The following ANK2 variants were observed in gnomAD, a reference collection of about 807,000 sequenced individuals.
The protein encoded by ANK2 is ankyrin 2, also known as ankyrin-2.
A neutral mutation model predicts 360.5 loss-of-function variants in ANK2; 83 were observed. The ratio of observed to expected loss-of-function variants is 0.23; its 90% CI spans 0.19 to 0.28. ANK2 has a LOEUF of 0.28. ANK2 is among the 10% of genes least tolerant of loss of function. The pLI, the probability that ANK2 is intolerant of heterozygous loss-of-function variation, is 1.00. For synonymous variants in ANK2, 1,740 were observed against 1,759.5 expected, an observed-to-expected ratio of 0.99 and a Z score of 0.28; for missense variants, 4,201 against 4,795.7, an observed-to-expected ratio of 0.88 and a Z score of 3.66.
chr4:113,287,477 G>A (rs2065259082), intron 18 of ANK2, 128 bp from the exon 19 acceptor site: 3 of 768,074 alleles, frequency 3.9e-6, no homozygotes, highest in Non-Finnish European at 4.4e-6. Context: ...AGAAGATATA[G>A]TTTCTGGGAA....
At chr4:112,857,851 T>C (rs773011804) in intron 1 of ANK2, among the ~76,000 whole-genome samples, 1 of 152,140 alleles carries the variant, frequency 6.6e-6, no homozygotes, top group Non-Finnish European at 1.5e-5. Context: ...TCTGATTCAG[T>C]GGGACTGAAG....
chr4:113,287,683 G>T lies in ANK2; in HGVS notation c.2158G>T (p.Asp720Tyr). Reference protein sequence around the residue: ...VADILTKHGADQDAHTKLGYT... With the variant: ...VADILTKHGAYQDAHTKLGYT... The stretch of plus-strand genomic sequence containing the variant: ...TGATATTCTCACCAAGCATGGAGCT[G>T]ATCAGGATGCTCATACAAAGGTAAA... The change falls in exon 19 of 46, where the codon GAT (aspartate) becomes TAT (tyrosine). Residue 720 changes from aspartate (D) to tyrosine (Y), a missense_variant. This residue lies in a region of ANK2 where 1,268 missense variants were observed against 1,650.8 expected (regional missense o/e 0.77). Transcript: ENST00000357077. The T allele has an allele frequency of 6.2e-7, 1 of 1,612,178 alleles. No homozygotes were observed. Among genetic ancestry groups the T allele is most frequent in the Non-Finnish European group, 8.5e-7 (1 of 1,178,348 alleles).
chr4:113,158,862 A>G (rs1247542735), intron 1 of ANK2, among the ~76,000 whole-genome samples: 1 of 152,182 alleles, frequency 6.6e-6, no homozygotes, highest in Non-Finnish European at 1.5e-5. Flanking sequence ...TGCTTTGCCA[A>G]AAAAAGTTCT....
chr4:113,068,178 A>T (rs958046983), intron 1 of ANK2, among the ~76,000 whole-genome samples: 11 of 152,220 alleles, frequency 7.2e-5, no homozygotes, highest in Admixed American at 2.6e-4. Flanking sequence ...TATTGCCTTG[A>T]TGAGCACATA....
the ANK2 span, chr4:112,798,243 C>A: frequency 6.6e-6 from 1 of 152,180 alleles, no homozygotes; most frequent in Non-Finnish European, 1.5e-5. Flanking sequence ...CTTTACAGTT[C>A]ATTTTTGAAC....
chr4:113,334,098 T>C (rs1367895753), intron 29 of ANK2, among the ~76,000 whole-genome samples: 1 of 152,200 alleles, frequency 6.6e-6, no homozygotes, highest in Non-Finnish European at 1.5e-5. Flanking sequence ...ATCAAGTTCT[T>C]GAGTCTTCTG....
intron 27 of ANK2, among the ~76,000 whole-genome samples, chr4:113,330,688 C>T (rs1022812974): frequency 1.3e-5 from 2 of 152,166 alleles, no homozygotes; most frequent in African/African-American, 2.4e-5. Context: ...AGGTTGAATA[C>T]CACTTCTTCT....
At chr4:112,936,493 G>A (rs985670243) in intron 2 of ANK2, among the ~76,000 whole-genome samples, 6 of 151,904 alleles carry the variant, frequency 3.9e-5, no homozygotes, top group Non-Finnish European at 7.4e-5. Flanking sequence ...TTACAGGCGC[G>A]TGCCACCACA....
intron 2 of ANK2, among the ~76,000 whole-genome samples, chr4:113,011,321 G>A (rs2054640055): frequency 1.3e-5 from 2 of 152,090 alleles, no homozygotes; most frequent in African/African-American, 2.4e-5. Flanking sequence ...TAGGGGAGGT[G>A]AAATTTTATC....
intron 17 of ANK2, among the ~76,000 whole-genome samples, chr4:113,279,859 C>T (rs188347086): frequency 1.2e-3 from 179 of 152,028 alleles, no homozygotes; most frequent in African/African-American, 3.9e-3. Flanking sequence ...ACTGTTCTTA[C>T]TCCTCTTTTT....
At chr4:112,898,101 C>T (rs1390726822) in intron 1 of ANK2, among the ~76,000 whole-genome samples, 2 of 152,052 alleles carry the variant, frequency 1.3e-5, no homozygotes, top group African/African-American at 4.8e-5. Flanking sequence ...AAAAATTGAG[C>T]AAATAGTACA....
intron 18 of ANK2, among the ~76,000 whole-genome samples, chr4:113,284,905 A>G (rs1020727249): frequency 6.6e-6 from 1 of 152,204 alleles, no homozygotes. Flanking sequence ...TTTTGAAGAA[A>G]ACATATATTC....
At chr4:112,942,178 T>C (rs548560086) in intron 2 of ANK2, among the ~76,000 whole-genome samples, 1 of 152,184 alleles carries the variant, frequency 6.6e-6, no homozygotes, top group Admixed American at 6.6e-5. Flanking sequence ...TTTAGAAGGA[T>C]AGATAGGATC....
chr4:113,181,365 T>C (rs777950957), intron 2 of ANK2, among the ~76,000 whole-genome samples: 1 of 152,210 alleles, frequency 6.6e-6, no homozygotes. Flanking sequence ...CCACTCTTCC[T>C]AGCTCATCTT....
At chr4:113,077,560 T>G (rs887126651) in intron 1 of ANK2, among the ~76,000 whole-genome samples, 1 of 152,230 alleles carries the variant, frequency 6.6e-6, no homozygotes, top group Non-Finnish European at 1.5e-5. Flanking sequence ...AAAGACCATC[T>G]GCCCAGTCCT....
the ANK2 span, among the ~76,000 whole-genome samples, chr4:112,774,266 C>T: frequency 0.023 from 3,554 of 152,144 alleles, 120 homozygotes; most frequent in African/African-American, 0.08. Flanking sequence ...GTGGCTCACG[C>T]CTGTAATCCT....
At chr4:112,807,394 G>A in the ANK2 span, among the ~76,000 whole-genome samples, 1 of 152,326 alleles carries the variant, frequency 6.6e-6, no homozygotes, top group East Asian at 1.9e-4. Flanking sequence ...GTCTCATAAT[G>A]AGTTCACAGT....
In ANK2 at chr4:113,118,916, G is replaced by C. The variant is rs116607053; in HGVS notation, c.85-55500G>C. Among the ~76,000 whole-genome samples, 1,351 of 152,258 alleles carry C rather than the reference G, an allele frequency of 8.9e-3. 23 individuals are homozygous for C. The highest frequency in any genetic ancestry group is 0.03 in the African/African-American group (1,241 of 41,562). On this transcript the variant is annotated intron_variant, in intron 1 of 45. Transcript: ENST00000357077. ...GTGACCTAGCAACTTTGCTTAGCTA[G>C]AGTACCATGCATACACCTGGAAAAT...
chr4:113,196,516 A>G, intron 3 of ANK2, 50 bp downstream of exon 3: 1 of 1,443,376 alleles, frequency 6.9e-7, no homozygotes, highest in Non-Finnish European at 9.7e-7. Flanking sequence ...AGCGAAAATA[A>G]TTTAAAGCTT....
Sources: gnomAD v4.1 joint callset for allele counts (sites outside exome capture counted in the v4.1 genomes callset) on GRCh38, gnomAD v4.1.1 for gene constraint, gnomAD v4.1.1 regional missense constraint, MANE v1.5 for transcripts, NCBI Gene and HGNC (gene_info 2026-07-23, HGNC 2026-07-21) for gene names.